The following SH3GL2 variants were observed in gnomAD, a reference collection of about 807,000 sequenced individuals.
SH3GL2 encodes SH3 domain containing GRB2 like 2, endophilin A1, also known as endophilin-A1.
In SH3GL2, 24 loss-of-function variants were observed where a neutral mutation model predicts 46.0. The ratio of observed to expected loss-of-function variants is 0.52; its 90% CI spans 0.38 to 0.73. SH3GL2 has a LOEUF of 0.73. Among genes scored for constraint, SH3GL2 ranks in the 30% least tolerant of loss-of-function variants. The pLI is 0.00. For synonymous variants in SH3GL2, 196 were observed against 147.1 expected (o/e 1.33, Z -2.40); for missense variants, 413 against 424.2 (o/e 0.97, Z 0.23).
At chr9:17,666,471 C>G (rs1174502147) in intron 1 of SH3GL2, among the ~76,000 whole-genome samples, 1 of 151,254 alleles carries the variant, frequency 6.6e-6, no homozygotes, top group Non-Finnish European at 1.5e-5. Context: ...TTGGTTTATC[C>G]TTCTTGTATT....
chr9:17,634,165 G>C (rs962608178), intron 1 of SH3GL2, among the ~76,000 whole-genome samples: 3 of 152,102 alleles, frequency 2.0e-5, no homozygotes, highest in African/African-American at 7.3e-5. Context: ...GTACCCTCAG[G>C]TGGCTGTGGA....
intron 1 of SH3GL2, among the ~76,000 whole-genome samples, chr9:17,745,479 G>A (rs1295897984): frequency 6.6e-6 from 1 of 152,068 alleles, no homozygotes; most frequent in Non-Finnish European, 1.5e-5. Flanking sequence ...AAGGAATGGA[G>A]GGGTCAGTCC....
chr9:17,607,230 A>G (rs1209923583), intron 1 of SH3GL2, among the ~76,000 whole-genome samples: 1 of 152,232 alleles, frequency 6.6e-6, no homozygotes, highest in Non-Finnish European at 1.5e-5. Flanking sequence ...AACCTAGGCT[A>G]TATGATGTAG....
intron 3 of SH3GL2, among the ~76,000 whole-genome samples, chr9:17,773,063 A>G (rs1229101590): frequency 6.6e-6 from 1 of 151,980 alleles, no homozygotes; most frequent in Non-Finnish European, 1.5e-5. Flanking sequence ...TGTAGTTTTG[A>G]TTTGTAATGA....
intron 1 of SH3GL2, among the ~76,000 whole-genome samples, chr9:17,736,237 G>T (rs769365347): frequency 6.6e-6 from 1 of 152,058 alleles, no homozygotes; most frequent in Non-Finnish European, 1.5e-5. Flanking sequence ...GTCACTGGAA[G>T]GCTTTTTAAA....
chr9:17,652,373 CTT>C (rs1387957284), intron 1 of SH3GL2, among the ~76,000 whole-genome samples: 1 of 151,722 alleles, frequency 6.6e-6, no homozygotes, highest in African/African-American at 2.4e-5. Flanking sequence ...TGTGCAGTCT[CTT>C]CTAGTCATCT....
intron 1 of SH3GL2, among the ~76,000 whole-genome samples, chr9:17,603,734 C>T (rs1005807967): frequency 3.3e-5 from 5 of 152,062 alleles, no homozygotes; most frequent in Admixed American, 6.5e-5. Context: ...GTGGTGCATG[C>T]CTGTAATCCC....
At chr9:17,722,355 A>G (rs1279705537) in intron 1 of SH3GL2, among the ~76,000 whole-genome samples, 1 of 152,156 alleles carries the variant, frequency 6.6e-6, no homozygotes, top group Non-Finnish European at 1.5e-5. Flanking sequence ...AAACTTGCAT[A>G]TACTGACATG....
At chr9:17,667,371 C>T (rs575619844) in intron 1 of SH3GL2, among the ~76,000 whole-genome samples, 8 of 152,154 alleles carry the variant, frequency 5.3e-5, no homozygotes, top group African/African-American at 1.9e-4. Context: ...GGCACCCACT[C>T]TCCTCAACCC....
intron 1 of SH3GL2, among the ~76,000 whole-genome samples, chr9:17,644,119 A>C (rs995373623): frequency 6.6e-6 from 1 of 152,106 alleles, no homozygotes; most frequent in Non-Finnish European, 1.5e-5. Context: ...GTTTATTTGC[A>C]TAGAGATGTT....
In SH3GL2 at chr9:17,795,566, C is replaced by T; in HGVS notation, c.882C>T (p.Cys294=). The T allele has an allele frequency of 6.2e-7, 1 of 1,613,976 alleles. No homozygotes were observed. Among genetic ancestry groups the T allele is most frequent in the Non-Finnish European group, 8.5e-7 (1 of 1,179,870 alleles). The change falls in exon 9 of 9, where the codon TGC becomes TGT. Residue 294 remains cysteine (C), a synonymous_variant. Coordinates refer to ENST00000380607, the MANE Select transcript of SH3GL2 (RefSeq NM_003026.5). ...CAGGTGTCCAAATGGATCAGCCCTG[C>T]TGCCGAGCTCTGTACGACTTTGAAC... The part of the protein sequence containing the change: ...KPSGVQMDQP[C]CRALYDFEPE...
chr9:17,715,709 G>A (rs1043637451), intron 1 of SH3GL2, among the ~76,000 whole-genome samples: 1 of 151,560 alleles, frequency 6.6e-6, no homozygotes, highest in Non-Finnish European at 1.5e-5. Context: ...AACTCATAAT[G>A]GGCATCGCAT....
At chr9:17,581,249 G>A (rs956055969) in intron 1 of SH3GL2, among the ~76,000 whole-genome samples, 5 of 149,694 alleles carry the variant, frequency 3.3e-5, no homozygotes, top group South Asian at 4.3e-4. Context: ...TCGCCCTAAA[G>A]TGTAGAAAAA....
At chr9:17,717,702 C>T (rs955553751) in intron 1 of SH3GL2, among the ~76,000 whole-genome samples, 1 of 151,916 alleles carries the variant, frequency 6.6e-6, no homozygotes, top group Non-Finnish European at 1.5e-5. Flanking sequence ...CAGAAGTATG[C>T]CAGGCATGCT....
intron 1 of SH3GL2, among the ~76,000 whole-genome samples, chr9:17,705,177 C>A (rs1192890323): frequency 1.3e-5 from 2 of 151,932 alleles, no homozygotes; most frequent in Non-Finnish European, 2.9e-5. Flanking sequence ...AAATGCAGAT[C>A]AAAATGACAA....
intron 1 of SH3GL2, among the ~76,000 whole-genome samples, chr9:17,717,390 A>G (rs1821789183): frequency 1.3e-5 from 2 of 151,916 alleles, no homozygotes; most frequent in Non-Finnish European, 1.5e-5. Context: ...GTCATATGAA[A>G]TTAATCTTTT....
chr9:17,624,697 T>C (rs963953537), intron 1 of SH3GL2, among the ~76,000 whole-genome samples: 1 of 152,194 alleles, frequency 6.6e-6, no homozygotes, highest in African/African-American at 2.4e-5. Flanking sequence ...TTGACAAATT[T>C]TTCACTTTCT....
intron 1 of SH3GL2, among the ~76,000 whole-genome samples, chr9:17,639,254 C>G (rs950111079): frequency 1.7e-4 from 26 of 152,016 alleles, no homozygotes; most frequent in African/African-American, 6.3e-4. Flanking sequence ...GAAGATAGAT[C>G]TGGGGGAACA....
chr9:17,709,106 A>G (rs1821552055), intron 1 of SH3GL2, among the ~76,000 whole-genome samples: 1 of 152,002 alleles, frequency 6.6e-6, no homozygotes, highest in South Asian at 2.1e-4. Flanking sequence ...TGTGGGTAAA[A>G]TGTTTAGGCC....
Sources: gnomAD v4.1 joint callset for allele counts (sites outside exome capture counted in the v4.1 genomes callset) on GRCh38, gnomAD v4.1.1 for gene constraint, MANE v1.5 for transcripts, NCBI Gene and HGNC (gene_info 2026-07-23, HGNC 2026-07-21) for gene names.